EXT2: variants seen among roughly 807,000 people sequenced by gnomAD.
EXT2 encodes the protein exostosin-2.
A neutral mutation model predicts 81.6 loss-of-function variants in EXT2; 53 were observed. The observed-to-expected ratio is 0.65, with a 90% CI of 0.52 to 0.82. The LOEUF is 0.82. Ranked by LOEUF, EXT2 falls within the 40% of genes least tolerant of loss-of-function variation. The probability of loss-of-function intolerance (pLI) is 0.00; values close to 1 mark genes in which losing one functional copy is unlikely to be tolerated. For synonymous variants in EXT2, 320 were observed against 340.0 expected (o/e 0.94, Z 0.65); for missense variants, 774 against 910.2 (o/e 0.85, Z 1.93).
Position 44,249,962 on chromosome 11 carries a change from C to T in EXT2, c.*5675C>T, listed in dbSNP as rs1030834539. Among the ~76,000 whole-genome samples the T allele has an allele frequency of 6.6e-6, 1 of 152,100 alleles. No individual in the cohort carries two copies. The highest frequency in any genetic ancestry group is 6.5e-5 in the Admixed American group (1 of 15,272). ...GCAGGCACCTGTAGCCCCAGCTACTCGGGAGGCTGAGGCAGGAGAATGGCG... is the reference window on the plus strand; with the variant it reads ...GCAGGCACCTGTAGCCCCAGCTACTTGGGAGGCTGAGGCAGGAGAATGGCG... On this transcript the variant is annotated 3_prime_UTR_variant, in exon 14 of 14. Transcript: ENST00000533608.
At chr11:44,136,497 T>C (rs1954569373) in intron 7 of EXT2, among the ~76,000 whole-genome samples, 1 of 152,198 alleles carries the variant, frequency 6.6e-6, no homozygotes, top group South Asian at 2.1e-4. Context: ...CAATTCAAGC[T>C]AAGTGCTTAT....
chr11:44,233,788 G>A (rs1191424139), intron 11 of EXT2, among the ~76,000 whole-genome samples: 1 of 152,096 alleles, frequency 6.6e-6, no homozygotes, highest in South Asian at 2.1e-4. Context: ...CAATTCATGG[G>A]ATTTACAGTA....
intron 8 of EXT2, among the ~76,000 whole-genome samples, chr11:44,178,696 TG>T (rs1955192360): frequency 6.6e-6 from 1 of 152,154 alleles, no homozygotes; most frequent in Admixed American, 6.5e-5. Context: ...CTCAGCACCC[TG>T]TAAGTTGTGG....
At chr11:44,154,099 G>T (rs1954828623) in intron 7 of EXT2, among the ~76,000 whole-genome samples, 1 of 151,776 alleles carries the variant, frequency 6.6e-6, no homozygotes, top group African/African-American at 2.4e-5. Flanking sequence ...AGGGAAAATT[G>T]GGTATCTATC....
intron 10 of EXT2, among the ~76,000 whole-genome samples, chr11:44,216,120 C>T (rs1955716165): frequency 1.3e-5 from 2 of 152,104 alleles, no homozygotes; most frequent in South Asian, 4.1e-4. Flanking sequence ...TCATGATCCA[C>T]CCGCCTCGGT....
intron 10 of EXT2, among the ~76,000 whole-genome samples, chr11:44,211,303 T>G (rs927732048): frequency 6.6e-6 from 1 of 152,220 alleles, no homozygotes; most frequent in Non-Finnish European, 1.5e-5. Context: ...TTGAAATCAG[T>G]ATATTGAAGA....
rs1042043198 is a variant in EXT2 at position 44,108,178 on chromosome 11, T to G, written c.466T>G (p.Ser156Ala). 8.7e-6 allele frequency: 14 copies of G among 1,613,950 alleles called. No individual in the cohort carries two copies. Among genetic ancestry groups the G allele is most frequent in the Non-Finnish European group, 1.1e-5 (13 of 1,180,030 alleles). ...CAACCGGGCCTGTCTGTTTGTTCCC[T>G]CCATCGATGTGCTTAACCAGAACAC... ...DINRACLFVP[S>A]IDVLNQNTLR... Residue 156 changes from serine to alanine, a missense_variant, in exon 2 of 14, where the codon TCC (serine) becomes GCC (alanine). By Grantham distance (99) the Ser-to-Ala change is moderately conservative (BLOSUM62 1). Transcript: ENST00000533608.
At position 44,218,212 on chromosome 11, in the gene EXT2, A is replaced by G. The variant is rs1328879788; in HGVS notation, c.1662+11253A>G. On this transcript the variant is annotated intron_variant, in intron 10 of 13. Transcript: ENST00000533608. ...GAACCATGGAAGACCGCAAAATAGC[A>G]TGGAATGCCCCAGTTTTTTCATGAG... is the stretch of plus-strand genomic sequence containing the variant. 3.3e-5 allele frequency among the ~76,000 whole-genome samples: 5 copies of G among 152,252 alleles called. No homozygotes were observed. In the South Asian group the frequency reaches 8.3e-4, roughly 25 times the overall value.
chr11:44,107,538 T>C, intron 1 of EXT2, 145 bp from the exon 2 acceptor site: 1 of 738,798 alleles, frequency 1.4e-6, no homozygotes, highest in South Asian at 1.9e-5. Flanking sequence ...GAGCTGAGAT[T>C]GCACCACTGC....
intron 6 of EXT2, among the ~76,000 whole-genome samples, chr11:44,127,267 G>A (rs912296778): frequency 1.3e-5 from 2 of 152,232 alleles, no homozygotes; most frequent in South Asian, 2.1e-4. Flanking sequence ...ATGACATACA[G>A]GGCTTAAAAT....
intron 9 of EXT2, among the ~76,000 whole-genome samples, chr11:44,200,620 A>G (rs1032934434): frequency 6.6e-6 from 1 of 152,144 alleles, no homozygotes; most frequent in Non-Finnish European, 1.5e-5. Flanking sequence ...TCAACAGGGG[A>G]GTAAAACCAG....
intron 8 of EXT2, among the ~76,000 whole-genome samples, chr11:44,175,770 T>C (rs1292742663): frequency 1.3e-5 from 2 of 151,882 alleles, no homozygotes; most frequent in African/African-American, 2.4e-5. Context: ...GATCTTGACA[T>C]ATAAAGGAAA....
rs1197049531 is a variant in EXT2, at chr11:44,246,473, GA to G, written c.*2187del. Among the ~76,000 whole-genome samples, 1 of 152,134 alleles carries G rather than the reference GA, an allele frequency of 6.6e-6. No individual in the cohort carries two copies. ...CATTGTGAGCCCTAGAGAGCTGTGT[GA>G]CTTTATCATCGTCATAGGAGTCATT... On this transcript the variant is annotated 3_prime_UTR_variant, in exon 14 of 14. Coordinates refer to ENST00000533608, the MANE Select transcript of EXT2 (RefSeq NM_207122.2).
In EXT2 at chr11:44,107,710, A is replaced by G. The variant is rs762705599; in HGVS notation, c.-3A>G. ...GTGTGAGGAAGAGGCTGTCTGTGTC[A>G]TTATGTGTGCGTCGGTCAAGTATAA... On this transcript the variant is annotated 5_prime_UTR_variant, in exon 2 of 14. Transcript: ENST00000533608. The G allele has an allele frequency of 6.2e-7, 1 of 1,613,948 alleles. No homozygotes were observed. Among genetic ancestry groups the G allele is most frequent in the South Asian group, 1.1e-5 (1 of 91,074 alleles).
At chr11:44,122,328 G>C (rs902559971) in intron 4 of EXT2, among the ~76,000 whole-genome samples, 5 of 152,108 alleles carry the variant, frequency 3.3e-5, no homozygotes, top group African/African-American at 1.2e-4. Flanking sequence ...TATTAAGGAA[G>C]TTTCCCTGCT....
chr11:44,119,812 G>T (rs1954290858), intron 4 of EXT2, among the ~76,000 whole-genome samples: 1 of 152,236 alleles, frequency 6.6e-6, no homozygotes, highest in Admixed American at 6.5e-5. Context: ...AATACTGGGT[G>T]CAAATGTCAG....
chr11:44,226,071 A>G (rs1406605956), intron 10 of EXT2, among the ~76,000 whole-genome samples: 1 of 152,126 alleles, frequency 6.6e-6, no homozygotes, highest in African/African-American at 2.4e-5. Flanking sequence ...AGATTTTTTT[A>G]TCAACTATGG....
intron 13 of EXT2, among the ~76,000 whole-genome samples, chr11:44,240,409 A>G (rs1395151069): frequency 6.6e-6 from 1 of 152,206 alleles, no homozygotes; most frequent in Non-Finnish European, 1.5e-5. Flanking sequence ...CAAAAATAAT[A>G]GCCAGGGGTG....
rs1956080180 is a variant in EXT2 at position 44,244,972 on chromosome 11, A to G, written c.*685A>G. The G allele has an allele frequency of 4.3e-6, 1 of 232,168 alleles. No individual in the cohort carries two copies. The highest frequency in any genetic ancestry group is 8.5e-6 in the Non-Finnish European group (1 of 117,540). The allele number at this position is 232,168 out of a possible 1,614,324, so 14.4% of individuals were successfully genotyped here. A position where few individuals can be genotyped will look rare whatever the true frequency, so the allele number is the denominator to read the frequency against. On this transcript the variant is annotated 3_prime_UTR_variant, in exon 14 of 14. Transcript: ENST00000533608. Reference sequence around the variant, plus strand: ...ACACCAATTCCTGATAGTCCAAGGAACCACCTTTCTCCCTTGATATATTTA... The same window carrying G: ...ACACCAATTCCTGATAGTCCAAGGAGCCACCTTTCTCCCTTGATATATTTA...
Sources: allele counts gnomAD v4.1 joint callset (sites outside exome capture counted in the v4.1 genomes callset), GRCh38; gene constraint gnomAD v4.1.1; transcripts MANE v1.5; gene names NCBI Gene and HGNC (gene_info 2026-07-23, HGNC 2026-07-21).